Variants in SH3BGRL observed in about 807,000 individuals in gnomAD.
SH3BGRL encodes the protein SH3 domain binding glutamate rich protein like, also known as adapter SH3BGRL.
Under a neutral mutation model 9.8 loss-of-function variants are expected in SH3BGRL, and 7 were observed. The ratio of observed to expected loss-of-function variants is 0.72; its 90% CI spans 0.41 to 1.35. The LOEUF (loss-of-function observed/expected upper bound fraction) is 1.35. SH3BGRL is among the 40% of genes most tolerant of loss of function. SH3BGRL has a pLI of 0.01. For missense variants in SH3BGRL, 73 were observed against 84.4 expected (o/e 0.86, Z 0.53); for synonymous variants, 36 against 29.1 (o/e 1.24, Z -0.76).
intron 3 of SH3BGRL, among the ~76,000 whole-genome samples, chrX:81,288,121 A>G (rs778296806): frequency 1.8e-5 from 2 of 111,801 alleles, no homozygotes; most frequent in African/African-American, 6.5e-5. Flanking sequence ...CTGGAATGCA[A>G]TGATCATTCA....
At chrX:81,253,231 A>G (rs1218740464) in intron 1 of SH3BGRL, among the ~76,000 whole-genome samples, 1 of 112,600 alleles carries the variant, frequency 8.9e-6, no homozygotes, top group African/African-American at 3.2e-5. Context: ...GATCACAATA[A>G]TTGATTTCAC....
chrX:81,226,409 T>A (rs1279694223), intron 1 of SH3BGRL, among the ~76,000 whole-genome samples: 1 of 107,097 alleles, frequency 9.3e-6, no homozygotes, highest in African/African-American at 3.4e-5. Context: ...TGCCAGCTTC[T>A]AATTTGAGCC....
intron 3 of SH3BGRL, among the ~76,000 whole-genome samples, chrX:81,288,289 C>T (rs908844562): frequency 8.9e-6 from 1 of 111,819 alleles, no homozygotes; most frequent in Admixed American, 9.5e-5. Flanking sequence ...GAACATACTT[C>T]AACACAATAA....
chrX:81,247,687 C>T (rs917318346), intron 1 of SH3BGRL, among the ~76,000 whole-genome samples: 12 of 111,088 alleles, frequency 1.1e-4, no homozygotes, highest in African/African-American at 3.3e-4. Flanking sequence ...AACTTTCTGT[C>T]GTGCTTTTGG....
At chrX:81,254,279 C>T (rs1416734761) in intron 1 of SH3BGRL, among the ~76,000 whole-genome samples, 4 of 111,837 alleles carry the variant, frequency 3.6e-5, no homozygotes, top group Non-Finnish European at 7.5e-5. Flanking sequence ...TCATTTGATT[C>T]TGGTCTTATT....
intron 1 of SH3BGRL, among the ~76,000 whole-genome samples, chrX:81,226,225 T>C (rs986775510): frequency 3.6e-5 from 4 of 110,676 alleles, no homozygotes; most frequent in Non-Finnish European, 7.6e-5. Flanking sequence ...TTTTGTATTC[T>C]GAAGTAAATC....
intron 1 of SH3BGRL, among the ~76,000 whole-genome samples, chrX:81,256,396 T>A (rs1828425583): frequency 8.9e-6 from 1 of 112,236 alleles, no homozygotes; most frequent in Admixed American, 9.4e-5. Flanking sequence ...CAGTCAACTT[T>A]CTTATTAGAT....
At chrX:81,257,718 T>C (rs2075729613) in intron 1 of SH3BGRL, among the ~76,000 whole-genome samples, 1 of 110,927 alleles carries the variant, frequency 9.0e-6, no homozygotes, top group Non-Finnish European at 1.9e-5. Flanking sequence ...CCAAATTCTA[T>C]TGGTTGGAAG....
At chrX:81,219,939 G>C (rs2075595390) in intron 1 of SH3BGRL, among the ~76,000 whole-genome samples, 1 of 111,294 alleles carries the variant, frequency 9.0e-6, no homozygotes. Flanking sequence ...TGCATCTGTT[G>C]AACCATCTTT....
intron 1 of SH3BGRL, among the ~76,000 whole-genome samples, chrX:81,261,206 G>A (rs1460251671): frequency 9.0e-6 from 1 of 111,366 alleles, no homozygotes; most frequent in Non-Finnish European, 1.9e-5. Flanking sequence ...TTGACACCCA[G>A]TTGCTTTGTG....
chrX:81,257,919 G>T (rs753818696), intron 1 of SH3BGRL, among the ~76,000 whole-genome samples: 4 of 110,696 alleles, frequency 3.6e-5, no homozygotes, highest in Admixed American at 9.7e-5. Flanking sequence ...ATTCTGTAAA[G>T]CTATATAACA....
At chrX:81,246,588 T>C (rs2075689588) in intron 1 of SH3BGRL, among the ~76,000 whole-genome samples, 1 of 111,812 alleles carries the variant, frequency 8.9e-6, no homozygotes, top group South Asian at 3.7e-4. Context: ...TTTATTTTTC[T>C]CAACTTTGTC....
At chrX:81,279,227 T>G (rs1259638510) in intron 3 of SH3BGRL, among the ~76,000 whole-genome samples, 1 of 112,274 alleles carries the variant, frequency 8.9e-6, no homozygotes, top group Non-Finnish European at 1.9e-5. Context: ...TAAAATGGTT[T>G]TCTTGCCGAA....
intron 3 of SH3BGRL, among the ~76,000 whole-genome samples, chrX:81,279,758 G>A (rs778149001): frequency 2.7e-5 from 3 of 111,031 alleles, no homozygotes; most frequent in African/African-American, 9.8e-5. Context: ...AGAGGAGCAG[G>A]GGTTAAAACT....
At position 81,297,370 on chromosome X, in the gene SH3BGRL, A is replaced by T. The variant is rs1489802448; in HGVS notation, c.*143A>T. Reference sequence around the variant, plus strand: ...GGGTTTTCACATGCAAACATTCAAAATGAATACAAAATTAAAATTTGAACA... The same window carrying T: ...GGGTTTTCACATGCAAACATTCAAATTGAATACAAAATTAAAATTTGAACA... On this transcript the variant is annotated 3_prime_UTR_variant, in exon 4 of 4. Coordinates refer to ENST00000373212, the MANE Select transcript of SH3BGRL (RefSeq NM_003022.3). 2.2e-6 allele frequency: 1 copy of T among 459,794 alleles called. No homozygotes were observed. The highest frequency in any genetic ancestry group is 2.4e-5 in the African/African-American group (1 of 40,829). 37.9% of individuals were successfully genotyped at this position (459,794 alleles called of 1,213,427 possible). A position where few individuals can be genotyped will look rare whatever the true frequency, so the allele number is the denominator to read the frequency against.
chrX:81,260,167 A>G, intron 1 of SH3BGRL, among the ~76,000 whole-genome samples: 1 of 111,970 alleles, frequency 8.9e-6, no homozygotes. Flanking sequence ...ATCTGCACTC[A>G]AGGAGGCTTC....
At chrX:81,258,677 G>A (rs900719299) in intron 1 of SH3BGRL, among the ~76,000 whole-genome samples, 6 of 112,194 alleles carry the variant, frequency 5.3e-5, no homozygotes, top group Non-Finnish European at 1.1e-4. Context: ...CTACCCTGGA[G>A]TTCAAGTGGA....
chrX:81,276,244 A>G (rs1220530814), intron 1 of SH3BGRL, among the ~76,000 whole-genome samples: 1 of 109,682 alleles, frequency 9.1e-6, no homozygotes, highest in East Asian at 2.9e-4. Context: ...AAGGAGACAG[A>G]ATACATGTGC....
chrX:81,224,419 A>T (rs2075610291), intron 1 of SH3BGRL, among the ~76,000 whole-genome samples: 1 of 111,398 alleles, frequency 9.0e-6, no homozygotes, highest in Non-Finnish European at 1.9e-5. Flanking sequence ...TTAGATTTTT[A>T]AAATGTGATT....
Sources: allele counts gnomAD v4.1 joint callset (sites outside exome capture counted in the v4.1 genomes callset), GRCh38; gene constraint gnomAD v4.1.1; transcripts MANE v1.5; gene names NCBI Gene and HGNC (gene_info 2026-07-23, HGNC 2026-07-21).